The following ANKIB1 variants were observed in gnomAD, a reference collection of about 807,000 sequenced individuals.
ANKIB1 encodes the protein ankyrin repeat and IBR domain-containing protein 1.
Under a neutral mutation model 122.1 loss-of-function variants are expected in ANKIB1, and 43 were observed. That is an observed-to-expected ratio of 0.35 (90% CI 0.28 to 0.45). ANKIB1 has a LOEUF of 0.45. ANKIB1 is among the 20% of genes least tolerant of loss of function. The pLI is 1.00. For synonymous variants in ANKIB1, 390 were observed against 442.0 expected, an observed-to-expected ratio of 0.88 and a Z score of 1.48; for missense variants, 992 against 1,329.5, an observed-to-expected ratio of 0.75 and a Z score of 3.95.
At chr7:92,345,690 A>G (rs143954883) in intron 7 of ANKIB1, among the ~76,000 whole-genome samples, 373 of 152,338 alleles carry the variant, frequency 2.4e-3, no homozygotes, top group Non-Finnish European at 3.8e-3. Flanking sequence ...TATAATGAGC[A>G]CTGTAATGTC....
chr7:92,277,302 A>G (rs1312364796), intron 1 of ANKIB1, among the ~76,000 whole-genome samples: 3 of 152,242 alleles, frequency 2.0e-5, no homozygotes, highest in Non-Finnish European at 4.4e-5. Flanking sequence ...GGATACTCCA[A>G]ACAGGACATA....
At chr7:92,295,387 C>G (rs1437088460) in intron 2 of ANKIB1, among the ~76,000 whole-genome samples, 1 of 151,980 alleles carries the variant, frequency 6.6e-6, no homozygotes, top group South Asian at 2.1e-4. Context: ...ATGATTTAGT[C>G]AAATTTTCTT....
At chr7:92,298,768 T>TAAAAAAAAAAAAAA (rs34091044) in intron 2 of ANKIB1, among the ~76,000 whole-genome samples, 1 of 117,624 alleles carries the variant, frequency 8.5e-6, no homozygotes, top group African/African-American at 3.2e-5. Context: ...CACTTGCAGT[T>TAAAAAAAAAAAAAA]AAAAAAAAAA....
intron 11 of ANKIB1, among the ~76,000 whole-genome samples, chr7:92,385,533 A>G (rs1388934858): frequency 1.3e-5 from 2 of 152,248 alleles, no homozygotes; most frequent in Non-Finnish European, 2.9e-5. Flanking sequence ...CATATACACC[A>G]TGGAATACTA....
intron 11 of ANKIB1, among the ~76,000 whole-genome samples, chr7:92,377,957 A>C (rs1026229780): frequency 1.3e-5 from 2 of 152,100 alleles, no homozygotes; most frequent in African/African-American, 4.8e-5. Context: ...AAAAAAAAAA[A>C]CTTAAAACTT....
chr7:92,338,792 G>A (rs1803351240), intron 5 of ANKIB1, among the ~76,000 whole-genome samples: 4 of 147,148 alleles, frequency 2.7e-5, no homozygotes, highest in Admixed American at 6.8e-5. Flanking sequence ...GGCGCCTGTA[G>A]TCCCAGCTAC....
rs866539007 is a variant in ANKIB1, at chr7:92,262,174, T to C, written c.-91+15655T>C. Among the ~76,000 whole-genome samples the C allele has an allele frequency of 2.6e-5, 4 of 152,186 alleles. No individual in the cohort carries two copies. The South Asian group carries it at 8.3e-4, about 32-fold the overall frequency. ...GACAGTAGACATGGGAGCTCTTAAC[T>C]CCCTCCTAAATGTAACTGTTATATT... On this transcript the variant is annotated intron_variant, in intron 1 of 19. Coordinates refer to ENST00000265742, the MANE Select transcript of ANKIB1 (RefSeq NM_019004.2).
At chr7:92,397,953 TC>T in intron 19 of ANKIB1, 94 bp downstream of exon 19, 1 of 1,454,984 alleles carries the variant, frequency 6.9e-7, no homozygotes, top group Non-Finnish European at 9.2e-7. Context: ...TCCTATTTCT[TC>T]CTTCCATTCT....
chr7:92,337,217 G>A (rs1432807791), intron 5 of ANKIB1, among the ~76,000 whole-genome samples: 1 of 152,154 alleles, frequency 6.6e-6, no homozygotes, highest in Non-Finnish European at 1.5e-5. Context: ...AAGTTGTCTA[G>A]AGCTCAGAAT....
chr7:92,338,645 C>T, intron 5 of ANKIB1, among the ~76,000 whole-genome samples: 1 of 151,522 alleles, frequency 6.6e-6, no homozygotes, highest in East Asian at 2.0e-4. Context: ...GGTGTGGTGG[C>T]TCATGCCTGT....
chr7:92,394,465 C>T (rs908450891), intron 17 of ANKIB1, among the ~76,000 whole-genome samples: 17 of 152,082 alleles, frequency 1.1e-4, no homozygotes, highest in Admixed American at 5.9e-4. Context: ...TTCTGTCAGA[C>T]GATTAGATAT....
chr7:92,291,478 AAG>A (rs1802246854), intron 1 of ANKIB1, among the ~76,000 whole-genome samples: 1 of 152,136 alleles, frequency 6.6e-6, no homozygotes, highest in African/African-American at 2.4e-5. Flanking sequence ...TTAAAAAAGA[AAG>A]AGTTATAAAG....
chr7:92,384,736 C>A lies in ANKIB1; in HGVS notation c.1618-1773C>A, dbSNP rs77485577. On this transcript the variant is annotated intron_variant, in intron 11 of 19. Coordinates refer to ENST00000265742, the MANE Select transcript of ANKIB1 (RefSeq NM_019004.2). ...CTTACACCTTATACAAAAATTAATT[C>A]ACGATGCATTAAAGACTTAACTATT... Among the ~76,000 whole-genome samples, 658 of 152,190 alleles carry A rather than the reference C, an allele frequency of 4.3e-3. 3 individuals carry two copies. The highest frequency in any genetic ancestry group is 6.8e-3 in the Non-Finnish European group (462 of 68,006).
At chr7:92,268,397 AT>A (rs961571697) in intron 1 of ANKIB1, among the ~76,000 whole-genome samples, 1 of 152,146 alleles carries the variant, frequency 6.6e-6, no homozygotes, top group Admixed American at 6.5e-5. Context: ...ATATGATTGT[AT>A]TTTTTGCAAA....
At chr7:92,256,506 A>G (rs1328255394) in intron 1 of ANKIB1, among the ~76,000 whole-genome samples, 1 of 152,208 alleles carries the variant, frequency 6.6e-6, no homozygotes, top group East Asian at 1.9e-4. Context: ...TATGTAAAAC[A>G]TATAATTCCT....
intron 1 of ANKIB1, among the ~76,000 whole-genome samples, chr7:92,285,179 G>C (rs1048543457): frequency 6.6e-6 from 1 of 151,870 alleles, no homozygotes; most frequent in Non-Finnish European, 1.5e-5. Flanking sequence ...GCGATTTCCC[G>C]CTAATTTTTG....
At chr7:92,295,361 T>G (rs992328073) in intron 2 of ANKIB1, among the ~76,000 whole-genome samples, 195 bp downstream of exon 2, 3 of 152,200 alleles carry the variant, frequency 2.0e-5, no homozygotes, top group African/African-American at 7.2e-5. Context: ...AAATATTTGA[T>G]ATCATTTTCT....
At chr7:92,273,960 A>G (rs1373614590) in intron 1 of ANKIB1, among the ~76,000 whole-genome samples, 1 of 151,560 alleles carries the variant, frequency 6.6e-6, no homozygotes, top group Non-Finnish European at 1.5e-5. Flanking sequence ...TTTTGTAGAG[A>G]TGAAGTCCCA....
At chr7:92,263,931 G>A (rs925856407) in intron 1 of ANKIB1, among the ~76,000 whole-genome samples, 44 of 152,058 alleles carry the variant, frequency 2.9e-4, no homozygotes, top group African/African-American at 9.9e-4. Context: ...TATTATCTGT[G>A]GGAAATATAA....
Sources: allele counts gnomAD v4.1 joint callset (sites outside exome capture counted in the v4.1 genomes callset), GRCh38; gene constraint gnomAD v4.1.1; transcripts MANE v1.5; gene names NCBI Gene and HGNC (gene_info 2026-07-23, HGNC 2026-07-21).